The following PIEZO2 variants were observed in gnomAD, a reference collection of about 807,000 sequenced individuals.
PIEZO2 encodes piezo type mechanosensitive ion channel component 2, also known as piezo-type mechanosensitive ion channel component 2.
Under a neutral mutation model 337.3 loss-of-function variants are expected in PIEZO2, and 172 were observed. The observed-to-expected ratio is 0.51, with a 90% CI of 0.45 to 0.58. PIEZO2 has a LOEUF of 0.58. Ranked by LOEUF, PIEZO2 falls within the 20% of genes least tolerant of loss-of-function variation. The probability of loss-of-function intolerance (pLI) is 0.00; values close to 1 mark genes in which losing one functional copy is unlikely to be tolerated. For missense variants in PIEZO2, 3,028 were observed against 3,391.3 expected, an observed-to-expected ratio of 0.89 and a Z score of 2.66; for synonymous variants, 1,251 against 1,228.5, an observed-to-expected ratio of 1.02 and a Z score of -0.38.
chr18:10,681,816 A>G, intron 50 of PIEZO2, 63 bp from the exon 51 acceptor site: 1 of 1,366,386 alleles, frequency 7.3e-7, no homozygotes, highest in African/African-American at 1.4e-5. Flanking sequence ...CCTGAGTCAA[A>G]AGAAAAACAT....
chr18:10,739,892 T>C (rs1006052708), intron 33 of PIEZO2: 1 of 152,260 alleles, frequency 6.6e-6, no homozygotes, highest in East Asian at 1.9e-4. Flanking sequence ...TAGAAAATTA[T>C]GTCTTGGGAG....
intron 1 of PIEZO2, among the ~76,000 whole-genome samples, chr18:11,103,210 G>A (rs1299203442): frequency 6.6e-6 from 1 of 152,202 alleles, no homozygotes; most frequent in Non-Finnish European, 1.5e-5. Context: ...TAAATTGTGT[G>A]TTAGTAATTG....
Position 11,037,909 on chromosome 18 carries a change from G to A in PIEZO2, c.160+28218C>T, listed in dbSNP as rs1314405580. Among the ~76,000 whole-genome samples the A allele has an allele frequency of 2.0e-5, 3 of 152,308 alleles. No homozygotes were observed. In the South Asian group the frequency reaches 6.2e-4, roughly 32 times the overall value. Reference sequence around the variant, plus strand: ...AGGCACTTAAATAATTTCTGCAAACGAATTTTCCTTTCCAAGTTTGTCTCC... The same window carrying A: ...AGGCACTTAAATAATTTCTGCAAACAAATTTTCCTTTCCAAGTTTGTCTCC... On this transcript the variant is annotated intron_variant, in intron 2 of 55. Transcript: ENST00000674853.
intron 1 of PIEZO2, among the ~76,000 whole-genome samples, chr18:11,121,517 G>A (rs762580223): frequency 6.6e-6 from 1 of 152,106 alleles, no homozygotes; most frequent in African/African-American, 2.4e-5. Flanking sequence ...AGTGAGTTAT[G>A]ATTGCACCTC....
At chr18:11,054,364 C>A (rs567370732) in intron 2 of PIEZO2, among the ~76,000 whole-genome samples, 1 of 152,324 alleles carries the variant, frequency 6.6e-6, no homozygotes, top group Admixed American at 6.5e-5. Context: ...CTGCTGCATG[C>A]AATAACTATT....
At chr18:11,044,895 T>A (rs1283451089) in intron 2 of PIEZO2, among the ~76,000 whole-genome samples, 3 of 152,168 alleles carry the variant, frequency 2.0e-5, no homozygotes, top group East Asian at 3.8e-4. Flanking sequence ...ATGCTTGTAA[T>A]CCCAGCACTT....
chr18:11,080,235 GT>G lies in PIEZO2; in HGVS notation c.65-14014del, dbSNP rs33919277. Among the ~76,000 whole-genome samples, 12,772 of 152,196 alleles carry G rather than the reference GT, an allele frequency of 0.084. 1,378 individuals carry two copies. The highest frequency in any genetic ancestry group is 0.25 in the African/African-American group (10,580 of 41,498). Reference sequence around the variant, plus strand: ...GGCTTTTTATCTTTATCATGTTAAAGTTTTTCACGATGTCTATGTGTATATT... The same window carrying G: ...GGCTTTTTATCTTTATCATGTTAAAGTTTTCACGATGTCTATGTGTATATT... On this transcript the variant is annotated intron_variant, in intron 1 of 55. Coordinates refer to ENST00000674853, the MANE Select transcript of PIEZO2 (RefSeq NM_001378183.1). The surrounding 1 kb of genome is among the most constrained non-coding windows in gnomAD (Gnocchi z 5.4).
At chr18:10,900,784 T>A (rs1317945536) in intron 4 of PIEZO2, among the ~76,000 whole-genome samples, 2 of 152,158 alleles carry the variant, frequency 1.3e-5, no homozygotes, top group Non-Finnish European at 2.9e-5. Flanking sequence ...AAAATAGACG[T>A]GCTCCTACTT....
At chr18:10,961,740 C>T (rs2033789831) in intron 3 of PIEZO2, among the ~76,000 whole-genome samples, 1 of 152,066 alleles carries the variant, frequency 6.6e-6, no homozygotes, top group Non-Finnish European at 1.5e-5. Flanking sequence ...AATCCAACTC[C>T]ACAAAGAGAA....
rs769081691 is a variant in PIEZO2, at chr18:10,807,219, T to A, written c.973A>T (p.Ile325Leu). 3 of 1,537,274 alleles carry A rather than the reference T, an allele frequency of 2.0e-6. No homozygotes were observed. The South Asian group carries it at 3.6e-5, about 18-fold the overall frequency. Residue 325 changes from isoleucine (I) to leucine (L), a missense_variant, in exon 8 of 56, where the codon ATA (isoleucine) becomes TTA (leucine). Physicochemically the swap from Ile to Leu is conservative, Grantham distance 5. Coordinates refer to ENST00000674853, the MANE Select transcript of PIEZO2 (RefSeq NM_001378183.1). ...TACCACGACAGGTCCGGGTTCACTATGATCTTCCAAGTACTTGAACAGTCC... is the reference window on the plus strand; with the variant it reads ...TACCACGACAGGTCCGGGTTCACTAAGATCTTCCAAGTACTTGAACAGTCC... The part of the protein sequence containing the change: ...QTDCSSTWKI[I>L]VNPDLSWYHH...
At chr18:10,689,634 G>C (rs2034711031) in intron 49 of PIEZO2, 21 bp downstream of exon 49, 3 of 1,614,014 alleles carry the variant, frequency 1.9e-6, no homozygotes, top group Admixed American at 3.3e-5. Context: ...CAGGAATAAG[G>C]CACATCTCCT....
rs2041907184 is a variant in PIEZO2 at position 10,862,693 on chromosome 18, T to C, written c.493-5482A>G. Among the ~76,000 whole-genome samples the C allele has an allele frequency of 6.6e-6, 1 of 152,168 alleles. No homozygotes were observed. Among genetic ancestry groups the C allele is most frequent in the Admixed American group, 6.5e-5 (1 of 15,274 alleles). Reference sequence around the variant, plus strand: ...CAGATGACCAGGCTCAACCTCAAACTTACTAAATCAGAAATTATGGGAATG... The same window carrying C: ...CAGATGACCAGGCTCAACCTCAAACCTACTAAATCAGAAATTATGGGAATG... On this transcript the variant is annotated intron_variant, in intron 5 of 55. Transcript: ENST00000674853. This position sits in a 1 kb window ranked among gnomAD's most constrained non-coding sequence, Gnocchi z 4.4.
At chr18:10,879,233 T>C (rs2144836511) in intron 4 of PIEZO2, among the ~76,000 whole-genome samples, 1 of 152,174 alleles carries the variant, frequency 6.6e-6, no homozygotes, top group African/African-American at 2.4e-5. Flanking sequence ...AGTCCCATTT[T>C]AATAAATCAG....
intron 7 of PIEZO2, among the ~76,000 whole-genome samples, chr18:10,844,656 G>C (rs1350551262): frequency 6.6e-6 from 1 of 151,428 alleles, no homozygotes; most frequent in African/African-American, 2.4e-5. Context: ...AGGCGTGGTG[G>C]TGGGTGCCTG....
intron 54 of PIEZO2, among the ~76,000 whole-genome samples, chr18:10,674,688 T>C (rs979301623): frequency 7.9e-5 from 12 of 152,274 alleles, no homozygotes; most frequent in African/African-American, 2.9e-4. Flanking sequence ...CATCTGCTTC[T>C]GGTTCAAGCC....
chr18:11,071,947 A>T (rs1049838921), intron 1 of PIEZO2, among the ~76,000 whole-genome samples: 4 of 144,638 alleles, frequency 2.8e-5, no homozygotes, highest in African/African-American at 9.9e-5. Context: ...ACCCGTGCCC[A>T]TCCTGCGCTC....
In PIEZO2 at chr18:10,800,361, A is replaced by G. The variant is rs1402203589; in HGVS notation, c.1354T>C (p.Trp452Arg). 7.8e-6 allele frequency: 12 copies of G among 1,535,764 alleles called. No individual in the cohort carries two copies. The South Asian group carries it at 1.3e-4, about 17-fold the overall frequency. Residue 452 changes from tryptophan to arginine, a missense_variant, in exon 11 of 56, where the codon TGG becomes CGG. By Grantham distance (101) the Trp-to-Arg change is moderately radical. This residue lies in a region of PIEZO2 where 542 missense variants were observed against 605.6 expected (regional missense o/e 0.89). Transcript: ENST00000674853. ...CCTGAGGATTCATCAGAGGGCTCCC[A>G]CCGGTACTGAGGGGTGGAGTAGAGG... ...ADLYSTPQYR[W>R]EPSDESSEKR...
intron 1 of PIEZO2, among the ~76,000 whole-genome samples, chr18:11,115,893 G>A (rs1177316029): frequency 2.0e-5 from 3 of 152,148 alleles, no homozygotes. Context: ...AGCCTATGAA[G>A]AGAAGCTTTC....
At chr18:11,113,253 T>G (rs1167462498) in intron 1 of PIEZO2, among the ~76,000 whole-genome samples, 1 of 152,236 alleles carries the variant, frequency 6.6e-6, no homozygotes, top group African/African-American at 2.4e-5. Flanking sequence ...GACTCACAGA[T>G]GCACACCGTA....
Sources: allele counts gnomAD v4.1 joint callset (sites outside exome capture counted in the v4.1 genomes callset), GRCh38; gene constraint gnomAD v4.1.1; regional missense constraint gnomAD v4.1.1; non-coding constraint Gnocchi (gnomAD v3.1); transcripts MANE v1.5; gene names NCBI Gene and HGNC (gene_info 2026-07-23, HGNC 2026-07-21).